The following ZNF420 variants were observed in gnomAD, a reference collection of about 807,000 sequenced individuals.
The protein encoded by ZNF420 is ATM and p53-associated KZNF protein.
Under a neutral mutation model 44.7 loss-of-function variants are expected in ZNF420, and 31 were observed. That is an observed-to-expected ratio of 0.69 (90% CI 0.52 to 0.94). The LOEUF is 0.94. ZNF420 is among the 40% of genes least tolerant of loss of function. The pLI is 0.00. For missense variants in ZNF420, 681 were observed against 827.9 expected, an observed-to-expected ratio of 0.82 and a Z score of 2.18; for synonymous variants, 245 against 267.4, an observed-to-expected ratio of 0.92 and a Z score of 0.82.
intron 1 of ZNF420, among the ~76,000 whole-genome samples, chr19:37,059,700 C>T (rs1967834374): frequency 6.6e-6 from 1 of 152,164 alleles, no homozygotes; most frequent in Non-Finnish European, 1.5e-5. Context: ...GCCGCCCTCT[C>T]ACCTGAGGGT....
chr19:37,066,952 C>T (rs1967977198), intron 1 of ZNF420, among the ~76,000 whole-genome samples: 1 of 152,126 alleles, frequency 6.6e-6, no homozygotes, highest in Admixed American at 6.5e-5. Flanking sequence ...TACAACTCAG[C>T]AATAAGAACT....
At chr19:37,051,417 A>G (rs1050506822) in intron 1 of ZNF420, among the ~76,000 whole-genome samples, 3 of 152,198 alleles carry the variant, frequency 2.0e-5, no homozygotes, top group African/African-American at 7.2e-5. Flanking sequence ...TGGTCTATTC[A>G]GAGATTCAAC....
At chr19:37,030,173 G>T (rs1475031323) in intron 1 of ZNF420, among the ~76,000 whole-genome samples, 1 of 151,834 alleles carries the variant, frequency 6.6e-6, no homozygotes, top group African/African-American at 2.4e-5. Flanking sequence ...TGTTGTTGTT[G>T]TTGTTTGAGA....
intron 4 of ZNF420, chr19:37,108,375 A>G (rs1321873518): frequency 6.6e-6 from 1 of 152,236 alleles, no homozygotes; most frequent in Admixed American, 6.5e-5. Context: ...TCTCACTAGC[A>G]GAATACGGTG....
chr19:37,014,091 A>G (rs1046466424), intron 1 of ZNF420, among the ~76,000 whole-genome samples: 5 of 152,160 alleles, frequency 3.3e-5, no homozygotes, highest in Admixed American at 2.6e-4. Context: ...CTACTGGAGG[A>G]GGCGAGAGGT....
chr19:37,074,721 A>C (rs1035947439), upstream of ZNF420, among the ~76,000 whole-genome samples: 2 of 152,196 alleles, frequency 1.3e-5, no homozygotes, highest in African/African-American at 4.8e-5. Flanking sequence ...ATGCGTGCTG[A>C]AATCCTCAAT....
intron 1 of ZNF420, among the ~76,000 whole-genome samples, chr19:37,045,401 A>C (rs1967526136): frequency 6.6e-6 from 1 of 152,246 alleles, no homozygotes; most frequent in African/African-American, 2.4e-5. Context: ...TTGTCTTTGA[A>C]GTATTTCACA....
chr19:37,012,227 C>A (rs370285005), intron 1 of ZNF420, among the ~76,000 whole-genome samples: 215 of 152,284 alleles, frequency 1.4e-3, no homozygotes, highest in African/African-American at 4.9e-3. Context: ...GCCCGCTCCT[C>A]GACCTTGGAT....
chr19:37,061,219 A>G (rs1967874111), intron 1 of ZNF420, among the ~76,000 whole-genome samples: 1 of 152,216 alleles, frequency 6.6e-6, no homozygotes, highest in Non-Finnish European at 1.5e-5. Flanking sequence ...CACTGGCTCT[A>G]CTTTGGATTT....
At chr19:37,026,667 G>A (rs56857090) in intron 1 of ZNF420, among the ~76,000 whole-genome samples, 1,866 of 152,042 alleles carry the variant, frequency 0.012, 49 homozygotes, top group African/African-American at 0.043. Flanking sequence ...TTGCCATGTT[G>A]GCCAGGCTGG....
chr19:37,078,337 T>C (rs1968224127), upstream of ZNF420: 1 of 152,228 alleles, frequency 6.6e-6, no homozygotes, highest in South Asian at 2.1e-4. Flanking sequence ...AGCCAAGCGC[T>C]GGACTACATT....
At chr19:37,098,410 T>C (rs1158022948) in intron 4 of ZNF420, among the ~76,000 whole-genome samples, 1 of 152,234 alleles carries the variant, frequency 6.6e-6, no homozygotes, top group Admixed American at 6.5e-5. Flanking sequence ...GACACTGAGC[T>C]CAAATTTAAA....
At chr19:37,084,147 C>CT (rs1238469901) in intron 2 of ZNF420, among the ~76,000 whole-genome samples, 1 of 152,106 alleles carries the variant, frequency 6.6e-6, no homozygotes, top group African/African-American at 2.4e-5. Context: ...CTGAAAAACT[C>CT]TAAGACATAA....
intron 1 of ZNF420, among the ~76,000 whole-genome samples, chr19:37,066,497 C>CA (rs568653603): frequency 9.7e-4 from 147 of 151,582 alleles, no homozygotes; most frequent in African/African-American, 3.5e-3. Flanking sequence ...TAAAGATGGG[C>CA]AAAAATTTTG....
chr19:37,028,942 T>C (rs1447227999), intron 1 of ZNF420, among the ~76,000 whole-genome samples: 1 of 92 alleles, frequency 0.011, no homozygotes, highest in Admixed American at 0.5. Flanking sequence ...CTTAGGTGTT[T>C]TGTTCAAATC....
intron 4 of ZNF420, among the ~76,000 whole-genome samples, chr19:37,126,657 G>A (rs1435229826): frequency 1.3e-5 from 2 of 152,096 alleles, no homozygotes; most frequent in African/African-American, 4.8e-5. Context: ...TGCTCCCCAG[G>A]TGATTTTGAT....
chr19:37,089,836 G>A (rs1969034183), intron 3 of ZNF420, among the ~76,000 whole-genome samples: 1 of 152,072 alleles, frequency 6.6e-6, no homozygotes, highest in Non-Finnish European at 1.5e-5. Context: ...AACCTAAAAT[G>A]TTCAAATATG....
intron 1 of ZNF420, among the ~76,000 whole-genome samples, chr19:37,054,599 T>C (rs956631632): frequency 6.6e-6 from 1 of 152,192 alleles, no homozygotes; most frequent in African/African-American, 2.4e-5. Flanking sequence ...TCAGCCTTGG[T>C]CTTTGAGAGT....
chr19:37,057,096 A>G (rs1482014300), intron 1 of ZNF420, among the ~76,000 whole-genome samples: 1 of 152,174 alleles, frequency 6.6e-6, no homozygotes, highest in South Asian at 2.1e-4. Flanking sequence ...GGAGCCCTCC[A>G]TGGCAGTGCT....
Sources: allele counts gnomAD v4.1 joint callset (sites outside exome capture counted in the v4.1 genomes callset), GRCh38; gene constraint gnomAD v4.1.1; transcripts MANE v1.5; gene names NCBI Gene and HGNC (gene_info 2026-07-23, HGNC 2026-07-21).